Variants in TAS2R38 observed in about 807,000 individuals in gnomAD.
TAS2R38 encodes taste receptor type 2 member 38.
A neutral mutation model predicts 16.4 loss-of-function variants in TAS2R38; 11 were observed. That is an observed-to-expected ratio of 0.67 (90% confidence interval 0.42 to 1.11). The LOEUF is 1.11. TAS2R38 is among the 50% of genes least tolerant of loss of function. TAS2R38 has a pLI of 0.00. For synonymous variants in TAS2R38, 149 were observed against 155.6 expected (o/e 0.96, Z 0.32); for missense variants, 364 against 395.8 (o/e 0.92, Z 0.68).
Position 141,973,764 on chromosome 7 carries a change from T to G in TAS2R38, c.-75A>C, listed in dbSNP as rs1554444482. The G allele has an allele frequency of 1.2e-5, 18 of 1,506,234 alleles. No individual in the cohort carries two copies. Among genetic ancestry groups the G allele is most frequent in the Non-Finnish European group, 9.0e-7 (1 of 1,107,998 alleles). The allele number at this position is 1,506,234 out of a possible 1,614,324, so 93.3% of individuals were successfully genotyped here. A position where few individuals can be genotyped will look rare whatever the true frequency, so the allele number is the denominator to read the frequency against. On this transcript the variant is annotated 5_prime_UTR_variant, in exon 1 of 1. Transcript: ENST00000547270. ...ATCTAAAGACCTGGTTGCCACCCAG[T>G]GCAGAAAGGTAAATGTACGTTCCAA...
At position 141,973,094 on chromosome 7, in the gene TAS2R38, T is replaced by C. The variant is rs1259634484; in HGVS notation, c.596A>G (p.Tyr199Cys). The C allele has an allele frequency of 6.2e-7, 1 of 1,614,110 alleles. No individual in the cohort carries two copies. The highest frequency in any genetic ancestry group is 8.5e-7 in the Non-Finnish European group (1 of 1,180,034). ...LNLFYSFLFC[Y>C]LWSVPPFLLF... ...TAGGAAAGGAGGCACAGACCACAGATAGCAGAAGAGAAAGGAATAAAATAA... is the reference window on the plus strand; with the variant it reads ...TAGGAAAGGAGGCACAGACCACAGACAGCAGAAGAGAAAGGAATAAAATAA... Residue 199 changes from tyrosine (Y) to cysteine (C), a missense_variant, in exon 1 of 1, where the codon TAT becomes TGT. Tyr to Cys is a radical substitution (Grantham distance 194). Coordinates refer to ENST00000547270, the MANE Select transcript of TAS2R38 (RefSeq NM_176817.5).
In TAS2R38 at chr7:141,973,372, G is replaced by C; in HGVS notation, c.318C>G (p.Asn106Lys). 1 of 1,614,028 alleles carries C rather than the reference G, an allele frequency of 6.2e-7. No homozygotes were observed. The highest frequency in any genetic ancestry group is 2.2e-5 in the East Asian group (1 of 44,850). Residue 106 changes from asparagine (N) to lysine (K), a missense_variant, in exon 1 of 1, where the codon AAC becomes AAG. By Grantham distance (94) the Asn-to-Lys change is moderately conservative (BLOSUM62 0). Coordinates refer to ENST00000547270, the MANE Select transcript of TAS2R38 (RefSeq NM_176817.5). ...GGCTGAGGCAGGCAGCAAGCCAGAG[G>C]TTGGCTTGGTTTGCAATCATCCATA... is the stretch of plus-strand genomic sequence containing the variant. ...IMLWMIANQA[N>K]LWLAACLSLL...
Position 141,973,207 on chromosome 7 carries a change from G to A in TAS2R38, c.483C>T (p.Cys161=), listed in dbSNP as rs1407193971. The A allele has an allele frequency of 3.1e-6, 5 of 1,613,986 alleles. No individual in the cohort carries two copies. The Admixed American group carries it at 6.7e-5, about 22-fold the overall frequency. The change falls in exon 1 of 1, where the codon TGC becomes TGT. Residue 161 remains cysteine, a synonymous_variant. Coordinates refer to ENST00000547270, the MANE Select transcript of TAS2R38 (RefSeq NM_176817.5). The part of the protein sequence containing the change: ...SCICTVLCVW[C]FFSRPHFTVT... ...CTGTGAAGTGAGGTCTGCTAAAAAAGCACCAAACACAGAGGACAGTGCAGA... is the reference window on the plus strand; with the variant it reads ...CTGTGAAGTGAGGTCTGCTAAAAAAACACCAAACACAGAGGACAGTGCAGA...
At position 141,973,463 on chromosome 7, in the gene TAS2R38, A is replaced by G; in HGVS notation, c.227T>C (p.Ile76Thr). 6.2e-7 allele frequency: 1 copy of G among 1,614,160 alleles called. No individual in the cohort carries two copies. The highest frequency in any genetic ancestry group is 8.5e-7 in the Non-Finnish European group (1 of 1,180,026). The change falls in exon 1 of 1, where the codon ATC becomes ACC. Residue 76 changes from isoleucine to threonine, a missense_variant. By Grantham distance (89) the Ile-to-Thr change is moderately conservative (BLOSUM62 -1). Coordinates refer to ENST00000547270, the MANE Select transcript of TAS2R38 (RefSeq NM_176817.5). ...FLHGLLFLSA[I>T]QLTHFQKLSE... ...CAACTTCTGGAAGTGGGTAAGCTGG[A>G]TAGCACTCAGGAACAGCAGTCCATG...
chr7:141,972,963 T>C lies in TAS2R38; in HGVS notation c.727A>G (p.Ile243Val), dbSNP rs1000902355. Reference sequence around the variant, plus strand: ...GAGACAAGAGACTTGAGGGCTTTAATGTGGGCCTCCAGGCTGGGGTCACGA... The same window carrying C: ...GAGACAAGAGACTTGAGGGCTTTAACGTGGGCCTCCAGGCTGGGGTCACGA... The part of the protein sequence containing the change: ...NSRDPSLEAH[I>V]KALKSLVSFF... The change falls in exon 1 of 1, where the codon ATT becomes GTT. Residue 243 changes from isoleucine to valine, a missense_variant. Physicochemically the swap from Ile to Val is conservative, Grantham distance 29 (BLOSUM62 3). Transcript: ENST00000547270. 4.3e-6 allele frequency: 7 copies of C among 1,614,030 alleles called. No individual in the cohort carries two copies. In the African/African-American group the frequency reaches 5.3e-5, roughly 12 times the overall value.
Position 141,972,868 on chromosome 7 carries a change from G to T in TAS2R38, c.822C>A (p.Arg274=), listed in dbSNP as rs200055111. Residue 274 remains arginine, a synonymous_variant, in exon 1 of 1, where the codon CGC becomes CGA. Coordinates refer to ENST00000547270, the MANE Select transcript of TAS2R38 (RefSeq NM_176817.5). ...CACAAACCATCACCCCTATTTTGTCGCGCCACAGAATCAGTAGGGGCACAG... is the reference window on the plus strand; with the variant it reads ...CACAAACCATCACCCCTATTTTGTCTCGCCACAGAATCAGTAGGGGCACAG... The part of the protein sequence containing the change: ...FISVPLLILW[R]DKIGVMVCVG... The T allele has an allele frequency of 6.2e-7, 1 of 1,614,070 alleles. No homozygotes were observed. Among genetic ancestry groups the T allele is most frequent in the Non-Finnish European group, 8.5e-7 (1 of 1,180,024 alleles).
rs1554444446 is a variant in TAS2R38, at chr7:141,973,596, T to G, written c.94A>C (p.Thr32Pro). The G allele has an allele frequency of 7.4e-6, 12 of 1,614,056 alleles. No homozygotes were observed. Among genetic ancestry groups the G allele is most frequent in the Non-Finnish European group, 9.3e-6 (11 of 1,180,006 alleles). ...SVLEFAVGFL[T>P]NAFVFLVNFW... ...TTCACCAAGAAAACGAAGGCATTGG[T>G]CAGAAACCCCACTGCAAACTCCAGG... is the stretch of plus-strand genomic sequence containing the variant. The change falls in exon 1 of 1, where the codon ACC becomes CCC. Residue 32 changes from threonine to proline, a missense_variant. Thr to Pro is a conservative substitution (Grantham distance 38). Transcript: ENST00000547270.
Position 141,972,799 on chromosome 7 carries a change from C to G in TAS2R38, c.891G>C (p.Leu297=), listed in dbSNP as rs956908079. The change falls in exon 1 of 1, where the codon CTG becomes CTC. Residue 297 remains leucine (L), a synonymous_variant. Transcript: ENST00000547270. ...TCCTCAACTTGGCATTGCCTGAGAT[C>G]AGGATGGCTGCATGCCCAGAGGGAC... ...AACPSGHAAI[L]ISGNAKLRRA... is the part of the protein sequence containing the mutation. 3.7e-6 allele frequency: 6 copies of G among 1,613,970 alleles called. No homozygotes were observed. The highest frequency in any genetic ancestry group is 1.3e-5 in the African/African-American group (1 of 74,906).
chr7:141,973,765 G>A lies in TAS2R38; in HGVS notation c.-76C>T. On this transcript the variant is annotated 5_prime_UTR_variant, in exon 1 of 1. Transcript: ENST00000547270. ...TCTAAAGACCTGGTTGCCACCCAGT[G>A]CAGAAAGGTAAATGTACGTTCCAAG... The A allele has an allele frequency of 6.6e-7, 1 of 1,507,142 alleles. No homozygotes were observed. Among genetic ancestry groups the A allele is most frequent in the South Asian group, 1.3e-5 (1 of 78,238 alleles). 93.4% of individuals were successfully genotyped at this position (1,507,142 alleles called of 1,614,324 possible).
chr7:141,972,887 G>A lies in TAS2R38; in HGVS notation c.803C>T (p.Pro268Leu). The A allele has an allele frequency of 6.2e-7, 1 of 1,614,040 alleles. No individual in the cohort carries two copies. The highest frequency in any genetic ancestry group is 8.5e-7 in the Non-Finnish European group (1 of 1,179,996). ...ISSCAAFISV[P>L]LLILWRDKIG... is the part of the protein sequence containing the mutation. ...TTTGTCGCGCCACAGAATCAGTAGG[G>A]GCACAGAGATGAAGGCAGCACAGGA... The change falls in exon 1 of 1, where the codon CCC (proline) becomes CTC (leucine). Residue 268 changes from proline (P) to leucine (L), a missense_variant. Coordinates refer to ENST00000547270, the MANE Select transcript of TAS2R38 (RefSeq NM_176817.5).
rs369515471 is a variant in TAS2R38 at position 141,973,299 on chromosome 7, A to G, written c.391T>C (p.Cys131Arg). The change falls in exon 1 of 1, where the codon TGC becomes CGC. Residue 131 changes from cysteine to arginine, a missense_variant. By Grantham distance (180) the Cys-to-Arg change is radical (BLOSUM62 -3). Coordinates refer to ENST00000547270, the MANE Select transcript of TAS2R38 (RefSeq NM_176817.5). ...TTCCTGGAGACCCAGCTTGCCAAGC[A>G]GATCAGGAAGGTGTGAGAGAAACGG... ...LIRFSHTFLI[C>R]LASWVSRKIS... 5.0e-6 allele frequency: 8 copies of G among 1,613,884 alleles called. No homozygotes were observed. In the African/African-American group the frequency reaches 1.1e-4, roughly 22 times the overall value.
In TAS2R38 at chr7:141,972,631, G is replaced by A. The variant is rs1563084485; in HGVS notation, c.*57C>T. 4.0e-6 allele frequency: 6 copies of A among 1,515,968 alleles called. No homozygotes were observed. Among genetic ancestry groups the A allele is most frequent in the South Asian group, 2.6e-5 (2 of 76,176 alleles). 93.9% of individuals were successfully genotyped at this position (1,515,968 alleles called of 1,614,324 possible). A position where few individuals can be genotyped will look rare whatever the true frequency, so the allele number is the denominator to read the frequency against. On this transcript the variant is annotated 3_prime_UTR_variant, in exon 1 of 1. Transcript: ENST00000547270. Reference sequence around the variant, plus strand: ...AGAGTTGTATTCCTGAAGAATCAGAGGCATATTTATGAAGACTCACAGGCG... The same window carrying A: ...AGAGTTGTATTCCTGAAGAATCAGAAGCATATTTATGAAGACTCACAGGCG...
rs1803390501 is a variant in TAS2R38 at position 141,972,837 on chromosome 7, T to C, written c.853A>G (p.Ile285Val). The change falls in exon 1 of 1, where the codon ATA (isoleucine) becomes GTA (valine). Residue 285 changes from isoleucine to valine, a missense_variant. Transcript: ENST00000547270. ...DKIGVMVCVG[I>V]MAACPSGHAA... is the part of the protein sequence containing the mutation. ...TGCCCAGAGGGACAAGCTGCCATTA[T>C]CCCAACACAAACCATCACCCCTATT... The C allele has an allele frequency of 6.2e-7, 1 of 1,613,986 alleles. No individual in the cohort carries two copies. The highest frequency in any genetic ancestry group is 1.7e-5 in the Admixed American group (1 of 59,996).
In TAS2R38 at chr7:141,973,370, A is replaced by C; in HGVS notation, c.320T>G (p.Leu107Arg). Residue 107 changes from leucine (L) to arginine (R), a missense_variant, in exon 1 of 1, where the codon CTC becomes CGC. Leu to Arg is a moderately radical substitution (Grantham distance 102, BLOSUM62 -2). Transcript: ENST00000547270. ...CAGGCTGAGGCAGGCAGCAAGCCAG[A>C]GGTTGGCTTGGTTTGCAATCATCCA... ...MLWMIANQAN[L>R]WLAACLSLLY... The C allele has an allele frequency of 6.2e-7, 1 of 1,614,050 alleles. No individual in the cohort carries two copies. Among genetic ancestry groups the C allele is most frequent in the Non-Finnish European group, 8.5e-7 (1 of 1,179,986 alleles).
rs782711264 is a variant in TAS2R38 at position 141,973,213 on chromosome 7, A to G, written c.477T>C (p.Val159=). Residue 159 remains valine, a synonymous_variant, in exon 1 of 1, where the codon GTT becomes GTC. Coordinates refer to ENST00000547270, the MANE Select transcript of TAS2R38 (RefSeq NM_176817.5). ...LCSCICTVLC[V]WCFFSRPHFT... Reference sequence around the variant, plus strand: ...AGTGAGGTCTGCTAAAAAAGCACCAAACACAGAGGACAGTGCAGATGCAGG... The same window carrying G: ...AGTGAGGTCTGCTAAAAAAGCACCAGACACAGAGGACAGTGCAGATGCAGG... 8 of 1,613,998 alleles carry G rather than the reference A, an allele frequency of 5.0e-6. No individual in the cohort carries two copies. Among genetic ancestry groups the G allele is most frequent in the Non-Finnish European group, 6.8e-6 (8 of 1,180,024 alleles).
In TAS2R38 at chr7:141,972,946, A is replaced by G; in HGVS notation, c.744T>C (p.Ser248=). The change falls in exon 1 of 1, where the codon TCT becomes TCC. Residue 248 remains serine (S), a synonymous_variant. Transcript: ENST00000547270. ...CAAAGAAGCAGAAAAAGGAGACAAGAGACTTGAGGGCTTTAATGTGGGCCT... is the reference window on the plus strand; with the variant it reads ...CAAAGAAGCAGAAAAAGGAGACAAGGGACTTGAGGGCTTTAATGTGGGCCT... ...SLEAHIKALK[S]LVSFFCFFVI... 1 of 1,614,068 alleles carries G rather than the reference A, an allele frequency of 6.2e-7. No individual in the cohort carries two copies. Among genetic ancestry groups the G allele is most frequent in the South Asian group, 1.1e-5 (1 of 91,074 alleles).
chr7:141,973,260 G>C lies in TAS2R38; in HGVS notation c.430C>G (p.Leu144Val). The change falls in exon 1 of 1, where the codon CTC (leucine) becomes GTC (valine). Residue 144 changes from leucine to valine, a missense_variant. Coordinates refer to ENST00000547270, the MANE Select transcript of TAS2R38 (RefSeq NM_176817.5). Reference sequence around the variant, plus strand: ...CAGGAGCAAAGAATAATACCCAGGAGCATCTGGGAGATCTTCCTGGAGACC... The same window carrying C: ...CAGGAGCAAAGAATAATACCCAGGACCATCTGGGAGATCTTCCTGGAGACC... ...SWVSRKISQM[L>V]LGIILCSCIC... 6.2e-7 allele frequency: 1 copy of C among 1,614,012 alleles called. No individual in the cohort carries two copies. Among genetic ancestry groups the C allele is most frequent in the Non-Finnish European group, 8.5e-7 (1 of 1,179,990 alleles).
At position 141,972,959 on chromosome 7, in the gene TAS2R38, T is replaced by C. The variant is rs1267006861; in HGVS notation, c.731A>G (p.Lys244Arg). 1 of 1,614,086 alleles carries C rather than the reference T, an allele frequency of 6.2e-7. No individual in the cohort carries two copies. The highest frequency in any genetic ancestry group is 1.6e-4 in the Middle Eastern group (1 of 6,062). ...AAAGGAGACAAGAGACTTGAGGGCT[T>C]TAATGTGGGCCTCCAGGCTGGGGTC... is the stretch of plus-strand genomic sequence containing the variant. ...SRDPSLEAHIKALKSLVSFFC... is the reference protein window; with the variant it reads ...SRDPSLEAHIRALKSLVSFFC... Residue 244 changes from lysine to arginine, a missense_variant, in exon 1 of 1, where the codon AAA becomes AGA. By Grantham distance (26) the Lys-to-Arg change is conservative (BLOSUM62 2). Coordinates refer to ENST00000547270, the MANE Select transcript of TAS2R38 (RefSeq NM_176817.5).
rs541691931 is a variant in TAS2R38, at chr7:141,973,682, G to A, written c.8C>T (p.Thr3Ile). 1 of 1,611,932 alleles carries A rather than the reference G, an allele frequency of 6.2e-7. No homozygotes were observed. Among genetic ancestry groups the A allele is most frequent in the South Asian group, 1.1e-5 (1 of 90,856 alleles). Residue 3 changes from threonine to isoleucine, a missense_variant, in exon 1 of 1, where the codon ACT (threonine) becomes ATT (isoleucine). Transcript: ENST00000547270. MLTLTRIRTVSYE... is the reference protein window; with the variant it reads MLILTRIRTVSYE... ...GGACACAGTGCGGATGCGAGTTAGA[G>A]TCAACATGATGTCACTTCTCTAATT... is the stretch of plus-strand genomic sequence containing the variant.
Sources: gnomAD v4.1 joint callset for allele counts on GRCh38, gnomAD v4.1.1 for gene constraint, MANE v1.5 for transcripts, NCBI Gene and HGNC (gene_info 2026-07-23, HGNC 2026-07-21) for gene names.